Variants in SLC30A2 observed in about 807,000 individuals in gnomAD.
SLC30A2 encodes solute carrier family 30 member 2.
In SLC30A2, 19 loss-of-function variants were observed where a neutral mutation model predicts 39.6. The ratio of observed to expected loss-of-function variants is 0.48; its 90% CI spans 0.34 to 0.70. SLC30A2 has a LOEUF of 0.70. Ranked by LOEUF, SLC30A2 falls within the 30% of genes least tolerant of loss-of-function variation. The pLI is 0.01. For synonymous variants in SLC30A2, 195 were observed against 194.8 expected, an observed-to-expected ratio of 1.00 and a Z score of -0.01; for missense variants, 387 against 479.4, an observed-to-expected ratio of 0.81 and a Z score of 1.80.
chr1:26,041,572 T>C, intron 6 of SLC30A2, 128 bp downstream of exon 6: 1 of 635,782 alleles, frequency 1.6e-6, no homozygotes, highest in Non-Finnish European at 2.8e-6. Context: ...TTTTCCAGCC[T>C]ATGCCGGGGC....
intron 3 of SLC30A2, among the ~76,000 whole-genome samples, chr1:26,043,794 T>C (rs1474775165): frequency 6.6e-6 from 1 of 152,142 alleles, no homozygotes; most frequent in African/African-American, 2.4e-5. Context: ...TGGTTGTACA[T>C]GTAAAGAAGC....
chr1:26,045,731 C>G, intron 1 of SLC30A2, 116 bp downstream of exon 1: 3 of 1,535,154 alleles, frequency 2.0e-6, no homozygotes, highest in Non-Finnish European at 2.7e-6. Context: ...CACCCCACCC[C>G]TCCTGCATGG....
intron 6 of SLC30A2, among the ~76,000 whole-genome samples, chr1:26,040,922 C>CCCA (rs1553143481): frequency 6.6e-6 from 1 of 151,182 alleles, no homozygotes; most frequent in Admixed American, 6.6e-5. Context: ...TGAGACCCCC[C>CCCA]CCCCATCTCT....
rs113392593 is a variant in SLC30A2 at position 26,045,633 on chromosome 1, C to G, written c.50+214G>C. ...AACCGCCAATCCCCCGGCCCCAGGCCCCCCGCGGGCAGGGGTCAGAATCTG... is the reference window on the plus strand; with the variant it reads ...AACCGCCAATCCCCCGGCCCCAGGCGCCCCGCGGGCAGGGGTCAGAATCTG... On this transcript the variant is annotated intron_variant, in intron 1 of 7. Transcript: ENST00000374276. Among the ~76,000 whole-genome samples the G allele has an allele frequency of 3.2e-3, 493 of 152,260 alleles. 1 individual carries two copies. The highest frequency in any genetic ancestry group is 0.011 in the African/African-American group (467 of 41,574).
chr1:26,041,658 T>C lies in SLC30A2; in HGVS notation c.838+42A>G, dbSNP rs972394706. On this transcript the variant is annotated intron_variant, in intron 6 of 7. Coordinates refer to ENST00000374276, the MANE Select transcript of SLC30A2 (RefSeq NM_001004434.3). Reference sequence around the variant, plus strand: ...TACCCTATTTGAGCTGATTAGCGCTTGAGAGCCAAGAGCAAAAAGGGAGCC... The same window carrying C: ...TACCCTATTTGAGCTGATTAGCGCTCGAGAGCCAAGAGCAAAAAGGGAGCC... The C allele has an allele frequency of 4.2e-6, 5 of 1,197,588 alleles. No individual in the cohort carries two copies. The African/African-American group carries it at 7.5e-5, about 18-fold the overall frequency. The allele number at this position is 1,197,588 out of a possible 1,614,324, so 74.2% of individuals were successfully genotyped here. A position where few individuals can be genotyped will look rare whatever the true frequency, so the allele number is the denominator to read the frequency against.
rs1192639913 is a variant in SLC30A2 at position 26,037,489 on chromosome 1, C to G, written c.*1671G>C. 6 of 152,104 alleles carry G rather than the reference C, an allele frequency of 3.9e-5. No homozygotes were observed. The East Asian group carries it at 1.2e-3, about 29-fold the overall frequency. 9.4% of individuals were successfully genotyped at this position (152,104 alleles called of 1,614,324 possible). Reference sequence around the variant, plus strand: ...CCTCAAGTCATCTGCCTGCCTCAGCCTCCCAAGGTGCTGGGATTGCAGGCA... The same window carrying G: ...CCTCAAGTCATCTGCCTGCCTCAGCGTCCCAAGGTGCTGGGATTGCAGGCA... On this transcript the variant is annotated 3_prime_UTR_variant, in exon 8 of 8. Coordinates refer to ENST00000374276, the MANE Select transcript of SLC30A2 (RefSeq NM_001004434.3).
At chr1:26,041,620 CCA>C (rs1557561955) in intron 6 of SLC30A2, 78 bp downstream of exon 6, 1 of 855,158 alleles carries the variant, frequency 1.2e-6, no homozygotes, top group African/African-American at 1.7e-5. Context: ...CTAGGATGCC[CCA>C]GACACACACA....
intron 6 of SLC30A2, among the ~76,000 whole-genome samples, chr1:26,040,768 C>T (rs924343263): frequency 7.9e-5 from 12 of 152,136 alleles, no homozygotes; most frequent in Non-Finnish European, 1.5e-4. Flanking sequence ...ATGACCCTGG[C>T]CCAAGACCCC....
Position 26,045,104 on chromosome 1 carries a change from G to A in SLC30A2, c.164C>T (p.Ala55Val). ...ACAGTGACTGTCAGGACCCTTCTGA[G>A]CATGGCAGTGATGGTTGCTCTGGGC... is the stretch of plus-strand genomic sequence containing the variant. ...LAAQSNHHCH[A>V]QKGPDSHCDP... Residue 55 changes from alanine (A) to valine (V), a missense_variant, in exon 2 of 8, where the codon GCT (alanine) becomes GTT (valine). Ala to Val is a moderately conservative substitution (Grantham distance 64, BLOSUM62 0). Transcript: ENST00000374276. 1 of 1,614,174 alleles carries A rather than the reference G, an allele frequency of 6.2e-7. No individual in the cohort carries two copies. Among genetic ancestry groups the A allele is most frequent in the Non-Finnish European group, 8.5e-7 (1 of 1,180,020 alleles).
chr1:26,041,181 GCA>G (rs756166448), intron 6 of SLC30A2, among the ~76,000 whole-genome samples: 1 of 152,192 alleles, frequency 6.6e-6, no homozygotes, highest in Non-Finnish European at 1.5e-5. Context: ...ACCCCACAAA[GCA>G]CAGCCATGTC....
Position 26,039,142 on chromosome 1 carries a change from T to C in SLC30A2, c.*18A>G. 1 of 1,611,202 alleles carries C rather than the reference T, an allele frequency of 6.2e-7. No individual in the cohort carries two copies. ...CTGCAGGTCCTGTTCATGCCCCAGT[T>C]GGTGCCTGGCTGAGCAGTCAGTCTG... On this transcript the variant is annotated 3_prime_UTR_variant, in exon 8 of 8. Transcript: ENST00000374276. This position sits in a 1 kb window ranked among gnomAD's most constrained non-coding sequence, Gnocchi z 4.3.
intron 3 of SLC30A2, 62 bp from the exon 4 acceptor site, chr1:26,043,613 C>T (rs933769155): frequency 3.2e-6 from 5 of 1,538,812 alleles, no homozygotes; most frequent in Non-Finnish European, 4.4e-6. Context: ...GGAGTCTTCC[C>T]CCTTCCTTCA....
In SLC30A2 at chr1:26,039,920, G is replaced by C. The variant is rs771656182; in HGVS notation, c.839-9C>G. On this transcript the variant is annotated splice_polypyrimidine_tract_variant and intron_variant, in intron 6 of 7. Transcript: ENST00000374276. This position sits in a 1 kb window ranked among gnomAD's most constrained non-coding sequence, Gnocchi z 4.3. ...AACGCCCTTGGGGGTCCCTGAGGAC[G>C]GCAAGGACAGGGGAAACTAAAGGAA... 1.9e-6 allele frequency: 3 copies of C among 1,613,878 alleles called. No homozygotes were observed. Among genetic ancestry groups the C allele is most frequent in the Non-Finnish European group, 1.7e-6 (2 of 1,179,954 alleles).
Position 26,042,574 on chromosome 1 carries a change from A to T in SLC30A2, c.707T>A (p.Val236Glu). The change falls in exon 5 of 8, where the codon GTG becomes GAG. Residue 236 changes from valine (V) to glutamate (E), a missense_variant. Transcript: ENST00000374276. ...CTTGAAGTATAAAATATAGGCTGCC[A>T]CTAGGACACCCATGCTCTGCATAAA... ...GDFMQSMGVL[V>E]AAYILYFKPE... The T allele has an allele frequency of 6.2e-7, 1 of 1,614,106 alleles. No individual in the cohort carries two copies.
chr1:26,041,575 G>T, intron 6 of SLC30A2, 125 bp downstream of exon 6: 1 of 642,876 alleles, frequency 1.6e-6, no homozygotes. Flanking sequence ...TCCAGCCTAT[G>T]CCGGGGCTCC....
Position 26,044,998 on chromosome 1 carries a change from AACG to A in SLC30A2, c.267_269del (p.Val90del). On this transcript the variant is annotated inframe_deletion and splice_region_variant, in exon 2 of 8. Transcript: ENST00000374276. ...TTTAATTAGCCCAAAAGTGCTTACC[AACG>A]ACTTCTCCGATCATGAACAACAGGC... 6.2e-7 allele frequency: 1 copy of A among 1,614,104 alleles called. No individual in the cohort carries two copies. The highest frequency in any genetic ancestry group is 2.2e-5 in the East Asian group (1 of 44,886).
At chr1:26,040,058 A>C (rs2050380110) in intron 6 of SLC30A2, 147 bp from the exon 7 acceptor site, 1 of 713,914 alleles carries the variant, frequency 1.4e-6, no homozygotes, top group Non-Finnish European at 2.4e-6. Flanking sequence ...TTCACCTCCC[A>C]AGGTCTCTGC....
At chr1:26,043,093 C>T (rs1031148306) in intron 4 of SLC30A2, among the ~76,000 whole-genome samples, 1 of 152,220 alleles carries the variant, frequency 6.6e-6, no homozygotes, top group Non-Finnish European at 1.5e-5. Context: ...GGGACAGCTA[C>T]TCCTGCAACA....
In SLC30A2 at chr1:26,042,617, TG is replaced by T. The variant is rs1485358639; in HGVS notation, c.663del (p.Phe221LeufsTer4). 6.2e-6 allele frequency: 10 copies of T among 1,614,062 alleles called. No homozygotes were observed. The highest frequency in any genetic ancestry group is 2.7e-5 in the African/African-American group (2 of 74,934). On this transcript the variant is annotated frameshift_variant, in exon 5 of 8. Coordinates refer to ENST00000374276, the MANE Select transcript of SLC30A2 (RefSeq NM_001004434.3). LOFTEE classifies it high-confidence loss of function. ...TGCATAAAGTCGCCGATCACATGGA[TG>T]AAGGCAGCTCGGACGCTGGGGTTCT... The part of the protein sequence containing the change: ...QEENPSVRAA[F>X]IHVIGDFMQS...
Sources: gnomAD v4.1 joint callset for allele counts (sites outside exome capture counted in the v4.1 genomes callset) on GRCh38, gnomAD v4.1.1 for gene constraint, Gnocchi (gnomAD v3.1) non-coding constraint, MANE v1.5 for transcripts, NCBI Gene and HGNC (gene_info 2026-07-23, HGNC 2026-07-21) for gene names.